BRD1: variants seen among roughly 807,000 people sequenced by gnomAD.
BRD1 encodes the protein bromodomain-containing protein 1.
Under a neutral mutation model 107.7 loss-of-function variants are expected in BRD1, and 24 were observed. The ratio of observed to expected loss-of-function variants is 0.22; its 90% CI spans 0.16 to 0.31. The LOEUF (loss-of-function observed/expected upper bound fraction) is 0.31, where lower values mean the gene tolerates loss of function less well. Ranked by LOEUF, BRD1 falls within the 10% of genes least tolerant of loss-of-function variation. BRD1 has a pLI of 1.00. For synonymous variants in BRD1, 744 were observed against 686.1 expected (o/e 1.08, Z -1.32); for missense variants, 1,279 against 1,638.6 (o/e 0.78, Z 3.79).
intron 2 of BRD1, among the ~76,000 whole-genome samples, chr22:49,810,130 AAGAAAGAAAG>A (rs1395145343): frequency 2.0e-5 from 3 of 152,226 alleles, no homozygotes; most frequent in African/African-American, 7.2e-5. Context: ...TTGGTTAAAA[AAGAAAGAAAG>A]AGAAAGAAAG....
intron 7 of BRD1, among the ~76,000 whole-genome samples, chr22:49,789,496 C>G (rs369337364): frequency 8.6e-5 from 13 of 150,994 alleles, no homozygotes; most frequent in East Asian, 1.9e-4. Flanking sequence ...AGCCTCCCCC[C>G]CCCGCCCCGA....
intron 8 of BRD1, 109 bp downstream of exon 8, chr22:49,787,281 C>CA: frequency 7.5e-7 from 1 of 1,327,708 alleles, no homozygotes; most frequent in Non-Finnish European, 1.0e-6. Flanking sequence ...GAGAATGCTG[C>CA]AAAAACAGAA....
At chr22:49,787,305 C>CGT in intron 8 of BRD1, 85 bp downstream of exon 8, 2 of 939,372 alleles carry the variant, frequency 2.1e-6, no homozygotes. Context: ...GGACACCCCC[C>CGT]CCCCCCCGTC....
At chr22:49,776,228 A>C in intron 10 of BRD1, 69 bp from the exon 11 acceptor site, 13 of 1,374,620 alleles carry the variant, frequency 9.5e-6, no homozygotes, top group Admixed American at 1.9e-5. Context: ...CCCCCCACAA[A>C]AGGTGCAGCA....
At chr22:49,826,776 G>A (rs1029480462) in intron 1 of BRD1, among the ~76,000 whole-genome samples, 36 of 152,214 alleles carry the variant, frequency 2.4e-4, no homozygotes, top group African/African-American at 8.0e-4. Flanking sequence ...AAACAGACAC[G>A]GGCGGCCGCG....
At chr22:49,784,465 A>C (rs956482027) in intron 8 of BRD1, among the ~76,000 whole-genome samples, 1 of 152,190 alleles carries the variant, frequency 6.6e-6, no homozygotes, top group Non-Finnish European at 1.5e-5. Flanking sequence ...TCAGGGCCAG[A>C]CTCTGGGGCT....
chr22:49,776,144 C>T lies in BRD1; in HGVS notation c.3137G>A (p.Ser1046Asn), dbSNP rs1216803896. ...GGCGGCATCAGTGGAGATCCACATG[C>T]TGCTCTGGCCGACTTCTGCGGAGAG... ...ARIAAEVGQSSMWISTDAAAS... is the reference protein window; with the variant it reads ...ARIAAEVGQSNMWISTDAAAS... Residue 1046 changes from serine (S) to asparagine (N), a missense_variant, in exon 11 of 13, where the codon AGC becomes AAC. Transcript: ENST00000404760. 1.2e-6 allele frequency: 2 copies of T among 1,605,408 alleles called. No individual in the cohort carries two copies. Among genetic ancestry groups the T allele is most frequent in the South Asian group, 1.1e-5 (1 of 91,056 alleles).
At chr22:49,789,610 C>A (rs1031996817) in intron 7 of BRD1, among the ~76,000 whole-genome samples, 1 of 152,078 alleles carries the variant, frequency 6.6e-6, no homozygotes, top group African/African-American at 2.4e-5. Flanking sequence ...ATGGGTGCAA[C>A]AGCACCCGGC....
In BRD1 at chr22:49,787,737, GATTC is replaced by G; in HGVS notation, c.2506_2509del (p.Glu836HisfsTer11). The stretch of plus-strand genomic sequence containing the variant: ...TGCGCTCTGAGTGCAAGCGCTATGT[GATTC>G]ATTATCAAATGTGACTCTTTTGAAA... On this transcript the variant is annotated frameshift_variant, in exon 8 of 13. Coordinates refer to ENST00000404760, the MANE Select transcript of BRD1 (RefSeq NM_001304808.3). LOFTEE classifies it high-confidence loss of function. The G allele has an allele frequency of 1.3e-6, 2 of 1,550,824 alleles. No homozygotes were observed. The highest frequency in any genetic ancestry group is 1.7e-6 in the Non-Finnish European group (2 of 1,147,054).
chr22:49,817,477 C>T (rs1601731748), intron 2 of BRD1: 1 of 153,518 alleles, frequency 6.5e-6, no homozygotes, highest in East Asian at 1.9e-4. Flanking sequence ...GCACCAAGCC[C>T]AAGCTCAAAC....
chr22:49,784,298 G>A, intron 8 of BRD1, among the ~76,000 whole-genome samples: 1 of 150,428 alleles, frequency 6.6e-6, no homozygotes, highest in Non-Finnish European at 1.5e-5. Flanking sequence ...CGCAACGGCG[G>A]CGAGTAGACA....
At position 49,797,722 on chromosome 22, in the gene BRD1, T is replaced by C. The variant is rs150049870; in HGVS notation, c.2098+83A>G. ...GCTAGTGGCTCCCGGACCATGCTGA[T>C]AGGGAGCTGGCAACACAGAGCAGGA... On this transcript the variant is annotated intron_variant, in intron 6 of 12. Transcript: ENST00000404760. 4.0e-5 allele frequency: 56 copies of C among 1,415,356 alleles called. No individual in the cohort carries two copies. The East Asian group carries it at 1.2e-3, about 30-fold the overall frequency. The allele number at this position is 1,415,356 out of a possible 1,614,324, so 87.7% of individuals were successfully genotyped here. A position where few individuals can be genotyped will look rare whatever the true frequency, so the allele number is the denominator to read the frequency against.
At chr22:49,826,851 C>A (rs1029468326) in intron 1 of BRD1, among the ~76,000 whole-genome samples, 4 of 152,344 alleles carry the variant, frequency 2.6e-5, no homozygotes, top group African/African-American at 9.6e-5. Context: ...ATTCTCAGAA[C>A]TCCCGCGTCC....
intron 9 of BRD1, 38 bp from the exon 10 acceptor site, chr22:49,777,199 C>A: frequency 1.2e-6 from 2 of 1,605,792 alleles, no homozygotes; most frequent in Non-Finnish European, 1.7e-6. Flanking sequence ...GGCGCCCCGC[C>A]CCTGCCTTCA....
chr22:49,778,667 T>G (rs1026024209), intron 8 of BRD1, among the ~76,000 whole-genome samples: 1 of 152,152 alleles, frequency 6.6e-6, no homozygotes, highest in Non-Finnish European at 1.5e-5. Flanking sequence ...GTGTGATTTT[T>G]TTTTTCTTTT....
chr22:49,787,192 C>A lies in BRD1; in HGVS notation c.2857+198G>T, dbSNP rs542885374. Among the ~76,000 whole-genome samples, 95 of 152,294 alleles carry A rather than the reference C, an allele frequency of 6.2e-4. 1 individual carries two copies. The highest frequency in any genetic ancestry group is 1.7e-3 in the African/African-American group (71 of 41,576). Reference sequence around the variant, plus strand: ...AATCTCTCGTGGCAAACAGGCCCCCCACGAAGGCGCCGGCCTCAGACCCGC... The same window carrying A: ...AATCTCTCGTGGCAAACAGGCCCCCAACGAAGGCGCCGGCCTCAGACCCGC... On this transcript the variant is annotated intron_variant, in intron 8 of 12. Coordinates refer to ENST00000404760, the MANE Select transcript of BRD1 (RefSeq NM_001304808.3).
chr22:49,782,851 G>A (rs1202658839), intron 8 of BRD1, among the ~76,000 whole-genome samples: 1 of 149,792 alleles, frequency 6.7e-6, no homozygotes, highest in Non-Finnish European at 1.5e-5. Flanking sequence ...ATCGTGCTGG[G>A]ACCCGCTCCG....
In BRD1 at chr22:49,792,407, C is replaced by CG. The variant is rs2059451998; in HGVS notation, c.2359+1626dup. Among the ~76,000 whole-genome samples, 1 of 152,230 alleles carries CG rather than the reference C, an allele frequency of 6.6e-6. No individual in the cohort carries two copies. Among genetic ancestry groups the CG allele is most frequent in the East Asian group, 1.9e-4 (1 of 5,172 alleles). On this transcript the variant is annotated intron_variant, in intron 7 of 12. Coordinates refer to ENST00000404760, the MANE Select transcript of BRD1 (RefSeq NM_001304808.3). The surrounding 1 kb of genome is among the most constrained non-coding windows in gnomAD (Gnocchi z 4.2). ...GTGGGCTGCACGGAAGCAAAGGCTG[C>CG]GGGACCAGGCACCAGCCTGGACTCC...
intron 2 of BRD1, among the ~76,000 whole-genome samples, chr22:49,813,673 A>G (rs1387648946): frequency 6.6e-6 from 1 of 151,848 alleles, no homozygotes; most frequent in Non-Finnish European, 1.5e-5. Context: ...CTCTACTAAA[A>G]ATACAAAAAT....
Sources: allele counts gnomAD v4.1 joint callset (sites outside exome capture counted in the v4.1 genomes callset), GRCh38; gene constraint gnomAD v4.1.1; non-coding constraint Gnocchi (gnomAD v3.1); transcripts MANE v1.5; gene names NCBI Gene and HGNC (gene_info 2026-07-23, HGNC 2026-07-21).